Variants in SPEF2 observed in about 807,000 individuals in gnomAD.
SPEF2 encodes the protein sperm flagella and cilia-associated protein 2.
A neutral mutation model predicts 224.6 loss-of-function variants in SPEF2; 187 were observed. The observed-to-expected ratio is 0.83, with a 90% CI of 0.74 to 0.94. The LOEUF (loss-of-function observed/expected upper bound fraction) is 0.94, where lower values mean the gene tolerates loss of function less well. Among genes scored for constraint, SPEF2 ranks in the 40% least tolerant of loss-of-function variants. The probability of loss-of-function intolerance (pLI) is 0.00; values close to 1 mark genes in which losing one functional copy is unlikely to be tolerated. For missense variants in SPEF2, 2,170 were observed against 2,135.6 expected (o/e 1.02, Z -0.32); for synonymous variants, 715 against 707.3 (o/e 1.01, Z -0.17).
intron 23 of SPEF2, among the ~76,000 whole-genome samples, chr5:35,744,186 G>C (rs576289587): frequency 7.9e-5 from 12 of 152,230 alleles, no homozygotes; most frequent in African/African-American, 2.9e-4. Flanking sequence ...AGTTGAATGT[G>C]GGTTTTTACC....
chr5:35,738,076 G>A (rs997707460), intron 21 of SPEF2, among the ~76,000 whole-genome samples: 7 of 152,072 alleles, frequency 4.6e-5, no homozygotes, highest in Admixed American at 2.0e-4. Context: ...TTTCCTTCTT[G>A]TAAATTTGTT....
chr5:35,627,837 C>A (rs1744486237), intron 1 of SPEF2, among the ~76,000 whole-genome samples: 1 of 152,174 alleles, frequency 6.6e-6, no homozygotes, highest in Non-Finnish European at 1.5e-5. Context: ...AGCCAAGATT[C>A]CAGCACAGGT....
chr5:35,628,650 AGCGTGATC>A, intron 2 of SPEF2, 88 bp downstream of exon 2: 1 of 887,624 alleles, frequency 1.1e-6, no homozygotes, highest in South Asian at 1.6e-5. Context: ...GGAGTGCAGT[AGCGTGATC>A]ATAGCTCACA....
At chr5:35,685,378 T>C (rs927283659) in intron 10 of SPEF2, among the ~76,000 whole-genome samples, 1 of 152,136 alleles carries the variant, frequency 6.6e-6, no homozygotes, top group Admixed American at 6.5e-5. Context: ...CTTACCAAAG[T>C]TGACAACTTA....
intron 34 of SPEF2, among the ~76,000 whole-genome samples, chr5:35,803,442 G>A (rs751759047): frequency 3.3e-5 from 5 of 152,156 alleles, no homozygotes; most frequent in Non-Finnish European, 4.4e-5. Context: ...TAAAATCCAA[G>A]GACACTGTGG....
chr5:35,771,058 G>A (rs1268780779), intron 26 of SPEF2, among the ~76,000 whole-genome samples: 3 of 152,054 alleles, frequency 2.0e-5, no homozygotes, highest in African/African-American at 4.8e-5. Flanking sequence ...GGCTGTTGCC[G>A]AGGGTGATGA....
At chr5:35,769,620 AAAG>A (rs1039163193) in intron 26 of SPEF2, among the ~76,000 whole-genome samples, 6 of 152,168 alleles carry the variant, frequency 3.9e-5, no homozygotes, top group African/African-American at 1.4e-4. Context: ...TGAAGAATAC[AAAG>A]AAGTAGGACT....
intron 18 of SPEF2, among the ~76,000 whole-genome samples, chr5:35,707,051 G>A (rs1739923826): frequency 1.3e-5 from 2 of 152,158 alleles, no homozygotes; most frequent in Admixed American, 1.3e-4. Flanking sequence ...AATAGACTCA[G>A]TTATCACTTA....
In SPEF2 at chr5:35,694,369, A is replaced by T. The variant is rs761961063; in HGVS notation, c.1975+6A>T. On this transcript the variant is annotated splice_donor_region_variant and intron_variant, in intron 13 of 36. Transcript: ENST00000356031. ...AGAAGGTGAAACAATGCTTAGTAAG[A>T]TCTCAAAACAAATCATCTATTATTT... The T allele has an allele frequency of 3.1e-6, 5 of 1,605,214 alleles. No homozygotes were observed. In the Admixed American group the frequency reaches 8.4e-5, roughly 27 times the overall value.
chr5:35,798,142 G>A (rs565484979), intron 33 of SPEF2, among the ~76,000 whole-genome samples: 3 of 152,240 alleles, frequency 2.0e-5, no homozygotes, highest in South Asian at 2.1e-4. Context: ...CAACGGCCTC[G>A]TGATAGGTCT....
At chr5:35,631,277 C>G (rs1387526729) in intron 2 of SPEF2, among the ~76,000 whole-genome samples, 4 of 152,166 alleles carry the variant, frequency 2.6e-5, no homozygotes, top group Non-Finnish European at 5.9e-5. Context: ...GACCTGCCCC[C>G]ATGATTCAGT....
Position 35,800,062 on chromosome 5 carries a change from T to C in SPEF2, c.4925T>C (p.Val1642Ala). 4 of 1,613,962 alleles carry C rather than the reference T, an allele frequency of 2.5e-6. No homozygotes were observed. Among genetic ancestry groups the C allele is most frequent in the Non-Finnish European group, 3.4e-6 (4 of 1,179,982 alleles). Residue 1642 changes from valine to alanine, a missense_variant, in exon 34 of 37, where the codon GTG becomes GCG. Transcript: ENST00000356031. ...TACTTTGCTTGCCACCCAGACACCG[T>C]GGAAGGAGTCTACAGGGCCCTCAGT... ...LLYFACHPDT[V>A]EGVYRALSVA...
At chr5:35,776,751 AT>A (rs1314737306) in intron 29 of SPEF2, among the ~76,000 whole-genome samples, 1 of 152,212 alleles carries the variant, frequency 6.6e-6, no homozygotes, top group East Asian at 1.9e-4. Flanking sequence ...CCAATGGTAG[AT>A]TTATTATCAG....
At position 35,773,902 on chromosome 5, in the gene SPEF2, C is replaced by A. The variant is rs1453393487; in HGVS notation, c.3959C>A (p.Pro1320Gln). The change falls in exon 28 of 37, where the codon CCA becomes CAA. Residue 1320 changes from proline (P) to glutamine (Q), a missense_variant. Transcript: ENST00000356031. ...QEDKKPKGKS[P>Q]PMAEATPVIV... Reference sequence around the variant, plus strand: ...TTCATTGCCCTTTCAGGTAAATCACCACCTATGGCAGAAGCAACTCCTGTC... The same window carrying A: ...TTCATTGCCCTTTCAGGTAAATCACAACCTATGGCAGAAGCAACTCCTGTC... 6.2e-7 allele frequency: 1 copy of A among 1,611,188 alleles called. No homozygotes were observed. The highest frequency in any genetic ancestry group is 2.2e-5 in the East Asian group (1 of 44,818).
chr5:35,769,020 C>T (rs1030969640), intron 26 of SPEF2, among the ~76,000 whole-genome samples: 1 of 152,098 alleles, frequency 6.6e-6, no homozygotes, highest in African/African-American at 2.4e-5. Flanking sequence ...AATGTCAAGG[C>T]ATTATGTCTA....
intron 2 of SPEF2, among the ~76,000 whole-genome samples, chr5:35,635,258 C>T (rs1377374619): frequency 6.6e-6 from 1 of 152,034 alleles, no homozygotes; most frequent in Admixed American, 6.6e-5. Context: ...TACTTTTCAA[C>T]TTCAGAATTT....
chr5:35,710,710 G>A, intron 19 of SPEF2: 6 of 984,222 alleles, frequency 6.1e-6, no homozygotes, highest in Non-Finnish European at 7.2e-6. Context: ...CTATGTATTT[G>A]AGCCATTTCC....
At position 35,645,273 on chromosome 5, in the gene SPEF2, A is replaced by T. The variant is rs547492032; in HGVS notation, c.585+748A>T. Among the ~76,000 whole-genome samples the T allele has an allele frequency of 3.9e-5, 6 of 152,332 alleles. No homozygotes were observed. In the South Asian group the frequency reaches 1.2e-3, roughly 32 times the overall value. On this transcript the variant is annotated intron_variant, in intron 4 of 36. Transcript: ENST00000356031. ...CATGGATTTATTTGCAATGATAAGA[A>T]ATTATATTCTGAATGTAGTCAGCTC...
chr5:35,764,711 A>T (rs1196257314), intron 26 of SPEF2: 5 of 456,004 alleles, frequency 1.1e-5, no homozygotes, highest in Non-Finnish European at 2.2e-5. Flanking sequence ...AAAATTTCCA[A>T]CTGGGCACTT....
Sources: allele counts gnomAD v4.1 joint callset (sites outside exome capture counted in the v4.1 genomes callset), GRCh38; gene constraint gnomAD v4.1.1; transcripts MANE v1.5; gene names NCBI Gene and HGNC (gene_info 2026-07-23, HGNC 2026-07-21).